PAAF1: variants seen among roughly 807,000 people sequenced by gnomAD.
PAAF1 encodes the protein proteasomal ATPase associated factor 1, also known as proteasomal ATPase-associated factor 1.
PAAF1 carries 46 observed loss-of-function variants against 52.8 expected under a neutral mutation model. That is an observed-to-expected ratio of 0.87 (90% CI 0.69 to 1.11). The LOEUF (loss-of-function observed/expected upper bound fraction) is 1.11. Ranked by LOEUF, PAAF1 falls within the 50% of genes most tolerant of loss-of-function variation. PAAF1 has a pLI of 0.00. For synonymous variants in PAAF1, 178 were observed against 172.8 expected (o/e 1.03, Z -0.24); for missense variants, 424 against 477.4 (o/e 0.89, Z 1.04).
At chr11:73,924,228 G>A (rs558400371) in intron 10 of PAAF1, among the ~76,000 whole-genome samples, 180 of 152,298 alleles carry the variant, frequency 1.2e-3, no homozygotes, top group African/African-American at 4.0e-3. Context: ...GCTGAGGCAG[G>A]TGGATCACCT....
rs186421983 is a variant in PAAF1, at chr11:73,927,507, C to T, written c.*145C>T. 7 of 681,874 alleles carry T rather than the reference C, an allele frequency of 1.0e-5. No individual in the cohort carries two copies. The East Asian group carries it at 1.9e-4, about 18-fold the overall frequency. The allele number at this position is 681,874 out of a possible 1,614,324, so 42.2% of individuals were successfully genotyped here. ...ATCACAGAAAGTCAGCTGTACTGGCCGTGTGGAACTCTCATCCCAAGACCT... is the reference window on the plus strand; with the variant it reads ...ATCACAGAAAGTCAGCTGTACTGGCTGTGTGGAACTCTCATCCCAAGACCT... On this transcript the variant is annotated 3_prime_UTR_variant, in exon 12 of 12. Coordinates refer to ENST00000310571, the MANE Select transcript of PAAF1 (RefSeq NM_025155.3).
At chr11:73,877,129 G>A in intron 1 of PAAF1, 61 bp downstream of exon 1, 2 of 1,459,038 alleles carry the variant, frequency 1.4e-6, no homozygotes, top group Non-Finnish European at 9.2e-7. Context: ...TTTGCGTCAA[G>A]GAGAGCCATG....
chr11:73,924,827 T>C (rs1950309403), intron 11 of PAAF1, 130 bp downstream of exon 11: 1 of 686,266 alleles, frequency 1.5e-6, no homozygotes, highest in African/African-American at 1.8e-5. Flanking sequence ...AGCAGTGTGG[T>C]AGGATGGCAA....
chr11:73,889,000 C>T (rs1949132880), intron 3 of PAAF1: 1 of 497,666 alleles, frequency 2.0e-6, no homozygotes, highest in African/African-American at 1.9e-5. Context: ...TGCAGATAAG[C>T]AAACCAACTC....
At chr11:73,892,971 T>G (rs969896448) in intron 4 of PAAF1, among the ~76,000 whole-genome samples, 3 of 152,162 alleles carry the variant, frequency 2.0e-5, no homozygotes, top group African/African-American at 7.2e-5. Context: ...ATAACTTGCT[T>G]TTTATTACTT....
chr11:73,908,255 A>G lies in PAAF1; in HGVS notation c.533-1144A>G, dbSNP rs893752019. On this transcript the variant is annotated intron_variant, in intron 6 of 11. Coordinates refer to ENST00000310571, the MANE Select transcript of PAAF1 (RefSeq NM_025155.3). ...TGTGTGTATATATATGTGTATATAT[A>G]TGTATATATGTGTATATATGTGTAT... Among the ~76,000 whole-genome samples, 13 of 147,166 alleles carry G rather than the reference A, an allele frequency of 8.8e-5. No homozygotes were observed. In the South Asian group the frequency reaches 1.9e-3, roughly 21 times the overall value.
chr11:73,897,589 C>T (rs916486956), intron 4 of PAAF1, among the ~76,000 whole-genome samples: 1 of 151,496 alleles, frequency 6.6e-6, no homozygotes, highest in Admixed American at 6.6e-5. Context: ...GATGTGATGG[C>T]GGCCGGGAAG....
chr11:73,897,018 G>T (rs1185321588), intron 4 of PAAF1, among the ~76,000 whole-genome samples: 2 of 144,490 alleles, frequency 1.4e-5, no homozygotes, highest in East Asian at 2.1e-4. Context: ...GCGGCTGGCC[G>T]GGCAGAGGGG....
chr11:73,904,140 G>A (rs1231406502), intron 6 of PAAF1, among the ~76,000 whole-genome samples: 3 of 151,876 alleles, frequency 2.0e-5, no homozygotes, highest in South Asian at 4.2e-4. Context: ...GTGTGTGTGT[G>A]TGTATTTAAA....
At position 73,928,405 on chromosome 11, in the gene PAAF1, C is replaced by G. The variant is rs1950410922; in HGVS notation, c.*1043C>G. The G allele has an allele frequency of 6.6e-6, 1 of 152,160 alleles. No individual in the cohort carries two copies. The highest frequency in any genetic ancestry group is 1.5e-5 in the Non-Finnish European group (1 of 68,038). The allele number at this position is 152,160 out of a possible 1,614,324, so 9.4% of individuals were successfully genotyped here. A position where few individuals can be genotyped will look rare whatever the true frequency, so the allele number is the denominator to read the frequency against. On this transcript the variant is annotated 3_prime_UTR_variant, in exon 12 of 12. Coordinates refer to ENST00000310571, the MANE Select transcript of PAAF1 (RefSeq NM_025155.3). ...TTACGTGGTTGGCAGTGGGGAACCACTGAAGGGTTTTAAGCAAGAGAATGG... is the reference window on the plus strand; with the variant it reads ...TTACGTGGTTGGCAGTGGGGAACCAGTGAAGGGTTTTAAGCAAGAGAATGG...
chr11:73,917,227 G>A (rs2135219977), intron 9 of PAAF1, among the ~76,000 whole-genome samples: 1 of 152,096 alleles, frequency 6.6e-6, no homozygotes, highest in Non-Finnish European at 1.5e-5. Context: ...CATCATGTTG[G>A]TCAGGCTGAT....
At chr11:73,895,020 A>ATTCTCTT (rs1565131892) in intron 4 of PAAF1, among the ~76,000 whole-genome samples, 2 of 152,148 alleles carry the variant, frequency 1.3e-5, no homozygotes, top group African/African-American at 4.8e-5. Flanking sequence ...TCTATTTCTT[A>ATTCTCTT]TTCTCTTTTT....
chr11:73,927,508 G>T lies in PAAF1; in HGVS notation c.*146G>T, dbSNP rs1239613220. ...TCACAGAAAGTCAGCTGTACTGGCCGTGTGGAACTCTCATCCCAAGACCTA... is the reference window on the plus strand; with the variant it reads ...TCACAGAAAGTCAGCTGTACTGGCCTTGTGGAACTCTCATCCCAAGACCTA... On this transcript the variant is annotated 3_prime_UTR_variant, in exon 12 of 12. Coordinates refer to ENST00000310571, the MANE Select transcript of PAAF1 (RefSeq NM_025155.3). 25 of 679,288 alleles carry T rather than the reference G, an allele frequency of 3.7e-5. No individual in the cohort carries two copies. The highest frequency in any genetic ancestry group is 4.6e-5 in the Non-Finnish European group (18 of 390,462). The allele number at this position is 679,288 out of a possible 1,614,324, so 42.1% of individuals were successfully genotyped here. A position where few individuals can be genotyped will look rare whatever the true frequency, so the allele number is the denominator to read the frequency against.
At chr11:73,896,317 T>A (rs1050757057) in intron 4 of PAAF1, among the ~76,000 whole-genome samples, 9 of 131,932 alleles carry the variant, frequency 6.8e-5, no homozygotes, top group South Asian at 2.5e-4. Flanking sequence ...TTTTTTTTTT[T>A]ATTGATCATT....
chr11:73,921,299 C>CAA (rs35623031), intron 10 of PAAF1, among the ~76,000 whole-genome samples: 3 of 123,334 alleles, frequency 2.4e-5, no homozygotes, highest in Admixed American at 8.7e-5. Context: ...GACTGCCTCG[C>CAA]AAAAAAAAAA....
At chr11:73,897,478 G>T (rs569689774) in intron 4 of PAAF1, among the ~76,000 whole-genome samples, 1 of 151,204 alleles carries the variant, frequency 6.6e-6, no homozygotes, top group Non-Finnish European at 1.5e-5. Flanking sequence ...CGGGGCGGCC[G>T]GGCAGAGACG....
In PAAF1 at chr11:73,900,327, C is replaced by CT. The variant is rs1371687241; in HGVS notation, c.441dup (p.Val148CysfsTer17). 3.7e-6 allele frequency: 6 copies of CT among 1,612,982 alleles called. No homozygotes were observed. Among genetic ancestry groups the CT allele is most frequent in the Admixed American group, 1.7e-5 (1 of 59,924 alleles). On this transcript the variant is annotated frameshift_variant, in exon 6 of 12. Coordinates refer to ENST00000310571, the MANE Select transcript of PAAF1 (RefSeq NM_025155.3). LOFTEE classifies it high-confidence loss of function. ...TTGTTGCAGGTTTTTCCCATCAGGCCTTGTGGTCCTGAGTGGGGGAATGGA... is the reference window on the plus strand; with the variant it reads ...TTGTTGCAGGTTTTTCCCATCAGGCCTTTGTGGTCCTGAGTGGGGGAATGGA...
At chr11:73,878,688 G>A (rs1948812692) in intron 1 of PAAF1, 91 bp from the exon 2 acceptor site, 1 of 1,131,346 alleles carries the variant, frequency 8.8e-7, no homozygotes, top group South Asian at 1.3e-5. Flanking sequence ...TGACCAAGCT[G>A]GAGGTTACAT....
In PAAF1 at chr11:73,909,477, A is replaced by AT. The variant is rs779208612; in HGVS notation, c.613dup (p.Cys205LeufsTer26). 6.2e-7 allele frequency: 1 copy of AT among 1,613,994 alleles called. No individual in the cohort carries two copies. On this transcript the variant is annotated frameshift_variant, in exon 7 of 12. Transcript: ENST00000310571. LOFTEE classifies it high-confidence loss of function. ...CGAGATGGGACAGCACGACTTTGGG[A>AT]TTGTGGGCGCTCAGCCTGCTTGGGA... is the stretch of plus-strand genomic sequence containing the variant.
Sources: allele counts gnomAD v4.1 joint callset (sites outside exome capture counted in the v4.1 genomes callset), GRCh38; gene constraint gnomAD v4.1.1; transcripts MANE v1.5; gene names NCBI Gene and HGNC (gene_info 2026-07-23, HGNC 2026-07-21).